Variants in PCDHGB5 observed in about 807,000 individuals in gnomAD.
PCDHGB5 encodes the protein protocadherin gamma-B5.
In PCDHGB5, 48 loss-of-function variants were observed where a neutral mutation model predicts 62.9. The ratio of observed to expected loss-of-function variants is 0.76; its 90% CI spans 0.61 to 0.97. PCDHGB5 has a LOEUF of 0.97. Among genes scored for constraint, PCDHGB5 ranks in the 50% least tolerant of loss-of-function variants. The pLI is 0.00. For missense variants in PCDHGB5, 1,118 were observed against 1,198.6 expected, an observed-to-expected ratio of 0.93 and a Z score of 0.99; for synonymous variants, 474 against 511.2, an observed-to-expected ratio of 0.93 and a Z score of 0.98.
intron 1 of PCDHGB5, among the ~76,000 whole-genome samples, chr5:141,438,591 C>CATATATAT (rs946798767): frequency 3.4e-4 from 26 of 75,528 alleles, no homozygotes; most frequent in Non-Finnish European, 5.4e-4. Flanking sequence ...TACATACATA[C>CATATATAT]ATATATATAT....
At chr5:141,452,742 G>C (rs779371001) in intron 1 of PCDHGB5, among the ~76,000 whole-genome samples, 7 of 152,010 alleles carry the variant, frequency 4.6e-5, no homozygotes, top group Non-Finnish European at 8.8e-5. Context: ...GGAAGAGAGA[G>C]AAGGAAGAAG....
intron 1 of PCDHGB5, among the ~76,000 whole-genome samples, chr5:141,450,783 G>A (rs2879228): frequency 0.25 from 37,099 of 150,510 alleles, 4,810 homozygotes; most frequent in Admixed American, 0.32. Flanking sequence ...CACCGTGCCC[G>A]GACCTCATGA....
Position 141,399,413 on chromosome 5 carries a change from C to T in PCDHGB5, c.1286C>T (p.Ser429Phe), listed in dbSNP as rs1456440098. ...TATDRGKPPL[S>F]SSISVILHIR... ...ACAGACAGGGGCAAGCCGCCCCTCT[C>T]CTCCAGCATAAGCGTCATCCTACAT... is the stretch of plus-strand genomic sequence containing the variant. Residue 429 changes from serine to phenylalanine, a missense_variant, in exon 1 of 4, where the codon TCC becomes TTC. Coordinates refer to ENST00000617380, the MANE Select transcript of PCDHGB5 (RefSeq NM_018925.3). 2.5e-5 allele frequency: 41 copies of T among 1,613,930 alleles called. No individual in the cohort carries two copies. Among genetic ancestry groups the T allele is most frequent in the Non-Finnish European group, 3.2e-5 (38 of 1,179,908 alleles).
intron 1 of PCDHGB5, chr5:141,404,727 T>G (rs762980421): frequency 6.2e-7 from 1 of 1,613,912 alleles, no homozygotes; most frequent in Non-Finnish European, 8.5e-7. Flanking sequence ...ACCAAGGTGG[T>G]GGCAGTGGAC....
chr5:141,472,954 C>A (rs2099305799), intron 1 of PCDHGB5, among the ~76,000 whole-genome samples: 1 of 143,370 alleles, frequency 7.0e-6, no homozygotes, highest in Admixed American at 7.3e-5. Flanking sequence ...CCATTGCACT[C>A]CAGCCTGGGG....
intron 1 of PCDHGB5, chr5:141,427,795 C>A: frequency 6.7e-7 from 1 of 1,499,260 alleles, no homozygotes; most frequent in Non-Finnish European, 9.2e-7. Context: ...TCCTACGTGT[C>A]CGTGAGCGCA....
Position 141,483,626 on chromosome 5 carries a change from G to A in PCDHGB5, c.2398-11181G>A, listed in dbSNP as rs112905417. On this transcript the variant is annotated intron_variant, in intron 1 of 3. Coordinates refer to ENST00000617380, the MANE Select transcript of PCDHGB5 (RefSeq NM_018925.3). ...TTACACCTCCATCATTCCCATGGGA[G>A]AAGGTATAGAGGGGTGTGTGTTTGT... Among the ~76,000 whole-genome samples the A allele has an allele frequency of 6.0e-4, 90 of 150,886 alleles. 1 individual carries two copies. The highest frequency in any genetic ancestry group is 1.7e-3 in the African/African-American group (69 of 40,378).
intron 1 of PCDHGB5, chr5:141,419,208 C>T: frequency 6.2e-7 from 1 of 1,613,966 alleles, no homozygotes; most frequent in Non-Finnish European, 8.5e-7. Flanking sequence ...GACAACGCGC[C>T]GGTTTTCGGA....
Position 141,464,191 on chromosome 5 carries a change from G to C in PCDHGB5, c.2398-30616G>C, listed in dbSNP as rs185888723. Among the ~76,000 whole-genome samples, 583 of 151,818 alleles carry C rather than the reference G, an allele frequency of 3.8e-3. 6 individuals are homozygous for C. Among genetic ancestry groups the C allele is most frequent in the Admixed American group, 0.011 (166 of 15,202 alleles). On this transcript the variant is annotated intron_variant, in intron 1 of 3. Transcript: ENST00000617380. ...GAGGCAGGAGAATTGCTTGATTTCA[G>C]GAGGCGGAGATTGCAGTGAGCTGAG...
intron 1 of PCDHGB5, chr5:141,403,495 C>A: frequency 6.2e-7 from 1 of 1,614,014 alleles, no homozygotes; most frequent in Non-Finnish European, 8.5e-7. Context: ...TCTCCCTGAA[C>A]GTGCAGACTG....
chr5:141,500,189 TTTA>T (rs780229863), intron 2 of PCDHGB5, among the ~76,000 whole-genome samples: 5,656 of 110,928 alleles, frequency 0.051, 122 homozygotes, highest in Middle Eastern at 0.14. Context: ...TTTATTTTTA[TTTA>T]TTTATTTATT....
Position 141,489,552 on chromosome 5 carries a change from G to T in PCDHGB5, c.2398-5255G>T, listed in dbSNP as rs2099688780. ...GTGGAGCCAGCACCAGCTGCCTGCTGCCAGTGCAGGTGGTGACTGAACACC... is the reference window on the plus strand; with the variant it reads ...GTGGAGCCAGCACCAGCTGCCTGCTTCCAGTGCAGGTGGTGACTGAACACC... On this transcript the variant is annotated intron_variant, in intron 1 of 3. Coordinates refer to ENST00000617380, the MANE Select transcript of PCDHGB5 (RefSeq NM_018925.3). The surrounding 1 kb of genome is among the most constrained non-coding windows in gnomAD (Gnocchi z 4.5). The T allele has an allele frequency of 6.2e-7, 1 of 1,613,988 alleles. No homozygotes were observed. The highest frequency in any genetic ancestry group is 1.7e-5 in the Admixed American group (1 of 60,000).
intron 1 of PCDHGB5, chr5:141,428,461 G>A: frequency 2.8e-6 from 1 of 352,014 alleles, no homozygotes; most frequent in South Asian, 2.8e-5. Flanking sequence ...CAACTACAAT[G>A]AGGGAACTTT....
chr5:141,496,923 C>T (rs963522127), intron 2 of PCDHGB5, among the ~76,000 whole-genome samples: 9 of 150,728 alleles, frequency 6.0e-5, no homozygotes, highest in East Asian at 1.9e-4. Context: ...CTGTGGTTCA[C>T]GCCTGTAATC....
chr5:141,462,431 T>G (rs1345184304), intron 1 of PCDHGB5, among the ~76,000 whole-genome samples: 1 of 152,246 alleles, frequency 6.6e-6, no homozygotes, highest in East Asian at 1.9e-4. Context: ...TGGTGAGTGT[T>G]GCTTACACAC....
Position 141,432,809 on chromosome 5 carries a change from T to A in PCDHGB5, c.2397+32285T>A. ...CGGCAGCCTCGAGTCTCCAGCTAAC[T>A]CTGAAACCTCAGACCTCACTCTGTA... is the stretch of plus-strand genomic sequence containing the variant. On this transcript the variant is annotated intron_variant, in intron 1 of 3. Coordinates refer to ENST00000617380, the MANE Select transcript of PCDHGB5 (RefSeq NM_018925.3). This position sits in a 1 kb window ranked among gnomAD's most constrained non-coding sequence, Gnocchi z 6.0. The A allele has an allele frequency of 6.2e-7, 1 of 1,613,398 alleles. No homozygotes were observed. Among genetic ancestry groups the A allele is most frequent in the Non-Finnish European group, 8.5e-7 (1 of 1,179,980 alleles).
At chr5:141,505,028 G>A (rs2099842951) in intron 2 of PCDHGB5, among the ~76,000 whole-genome samples, 1 of 152,164 alleles carries the variant, frequency 6.6e-6, no homozygotes, top group Admixed American at 6.5e-5. Flanking sequence ...CTGGCACAGT[G>A]GCAGGTGCCT....
At chr5:141,458,058 C>T (rs997664641) in intron 1 of PCDHGB5, among the ~76,000 whole-genome samples, 3 of 152,196 alleles carry the variant, frequency 2.0e-5, no homozygotes, top group Non-Finnish European at 4.4e-5. Context: ...TCTTGCTGCA[C>T]TGATGCGAAC....
chr5:141,479,000 T>C (rs2099485433), intron 1 of PCDHGB5, among the ~76,000 whole-genome samples: 1 of 152,244 alleles, frequency 6.6e-6, no homozygotes, highest in Non-Finnish European at 1.5e-5. Flanking sequence ...TTAAAACTAA[T>C]AGCTTTTTGA....
Sources: gnomAD v4.1 joint callset for allele counts (sites outside exome capture counted in the v4.1 genomes callset) on GRCh38, gnomAD v4.1.1 for gene constraint, Gnocchi (gnomAD v3.1) non-coding constraint, MANE v1.5 for transcripts, NCBI Gene and HGNC (gene_info 2026-07-23, HGNC 2026-07-21) for gene names.